Variants in SPECC1L observed in about 807,000 individuals in gnomAD.
The protein encoded by SPECC1L is sperm antigen with calponin homology and coiled-coil domains 1 like.
Under a neutral mutation model 116.8 loss-of-function variants are expected in SPECC1L, and 40 were observed. The observed-to-expected ratio is 0.34, with a 90% CI of 0.27 to 0.45. The LOEUF is 0.45. Among genes scored for constraint, SPECC1L ranks in the 20% least tolerant of loss-of-function variants. SPECC1L has a pLI of 1.00. For missense variants in SPECC1L, 1,110 were observed against 1,373.6 expected (o/e 0.81, Z 3.03); for synonymous variants, 504 against 500.6 (o/e 1.01, Z -0.09).
At chr22:24,403,691 A>T (rs1249982266) in intron 14 of SPECC1L, among the ~76,000 whole-genome samples, 2 of 152,254 alleles carry the variant, frequency 1.3e-5, no homozygotes, top group African/African-American at 4.8e-5. Context: ...GACTTTCCTT[A>T]TGCACTGAAA....
intron 4 of SPECC1L, among the ~76,000 whole-genome samples, chr22:24,321,058 A>G (rs2040711267): frequency 6.6e-6 from 1 of 152,256 alleles, no homozygotes; most frequent in Non-Finnish European, 1.5e-5. Flanking sequence ...TTTTAAAAAC[A>G]TGTAAAACAA....
At chr22:24,293,191 C>A (rs2146372929) in intron 2 of SPECC1L, among the ~76,000 whole-genome samples, 1 of 152,342 alleles carries the variant, frequency 6.6e-6, no homozygotes, top group Admixed American at 6.5e-5. Flanking sequence ...CACAGTGGCT[C>A]ATGCCTGTAA....
At chr22:24,315,763 TTAAG>T (rs1429620990) in intron 4 of SPECC1L, among the ~76,000 whole-genome samples, 2 of 152,244 alleles carry the variant, frequency 1.3e-5, no homozygotes, top group East Asian at 1.9e-4. Flanking sequence ...ACTGGATGGC[TTAAG>T]CCACAGAAAT....
At chr22:24,273,002 A>G (rs2048760086) in intron 1 of SPECC1L, among the ~76,000 whole-genome samples, 1 of 152,252 alleles carries the variant, frequency 6.6e-6, no homozygotes, top group Non-Finnish European at 1.5e-5. Flanking sequence ...TTGGTAGCCA[A>G]CTAAATAACG....
At chr22:24,343,502 C>T (rs560096117) in intron 10 of SPECC1L, 22 of 445,718 alleles carry the variant, frequency 4.9e-5, no homozygotes, top group African/African-American at 4.3e-4. Context: ...GTTCTGTCGC[C>T]CACGCTGGAA....
chr22:24,311,621 G>A (rs747168390), intron 3 of SPECC1L, among the ~76,000 whole-genome samples: 2 of 151,878 alleles, frequency 1.3e-5, no homozygotes, highest in Non-Finnish European at 2.9e-5. Flanking sequence ...CCTGGCCAAC[G>A]TGGGAATACC....
rs553793665 is a variant in SPECC1L at position 24,317,967 on chromosome 22, G to A, written c.308-3321G>A. 2.9e-4 allele frequency among the ~76,000 whole-genome samples: 44 copies of A among 151,330 alleles called. No homozygotes were observed. The East Asian group carries it at 3.8e-3, about 13-fold the overall frequency. On this transcript the variant is annotated intron_variant, in intron 4 of 16. Transcript: ENST00000314328. ...CTCCTCACTTCCTAGATGGGATGGC[G>A]GCCGGGAAGAGGCGCTCCTCACTTC...
intron 4 of SPECC1L, among the ~76,000 whole-genome samples, chr22:24,320,279 AAAAAAAACC>A (rs998740470): frequency 2.0e-5 from 3 of 151,958 alleles, no homozygotes; most frequent in African/African-American, 7.3e-5. Context: ...ACTCCATCTC[AAAAAAAACC>A]AAAAAAACGA....
intron 14 of SPECC1L, 97 bp downstream of exon 14, chr22:24,369,417 CCTG>C (rs2041832778): frequency 1.1e-6 from 1 of 879,308 alleles, no homozygotes; most frequent in African/African-American, 1.6e-5. Flanking sequence ...AATGATAAGT[CCTG>C]ACCTGGCATG....
At chr22:24,277,130 C>A (rs1165297426) in intron 2 of SPECC1L, among the ~76,000 whole-genome samples, 1 of 152,272 alleles carries the variant, frequency 6.6e-6, no homozygotes, top group Admixed American at 6.5e-5. Context: ...CTAGTTCCCT[C>A]ATTTTTATGA....
intron 14 of SPECC1L, among the ~76,000 whole-genome samples, chr22:24,370,824 A>G (rs1477195031): frequency 6.6e-6 from 1 of 152,206 alleles, no homozygotes; most frequent in African/African-American, 2.4e-5. Context: ...GCCATATACA[A>G]AAGGGCTAAT....
intron 14 of SPECC1L, among the ~76,000 whole-genome samples, chr22:24,376,505 C>T (rs2041974395): frequency 6.6e-6 from 1 of 152,074 alleles, no homozygotes; most frequent in Admixed American, 6.5e-5. Context: ...ATAAATTTAA[C>T]CAAGGAGGCA....
chr22:24,284,994 G>C (rs1381665521), intron 2 of SPECC1L, among the ~76,000 whole-genome samples: 1 of 152,168 alleles, frequency 6.6e-6, no homozygotes, highest in Non-Finnish European at 1.5e-5. Flanking sequence ...TGATTGAAGA[G>C]GAAGATGGAG....
intron 2 of SPECC1L, among the ~76,000 whole-genome samples, chr22:24,285,316 C>T (rs2049019887): frequency 6.6e-6 from 1 of 152,156 alleles, no homozygotes; most frequent in Admixed American, 6.5e-5. Flanking sequence ...GTGGGCTGAG[C>T]ATTTTCCTTG....
intron 10 of SPECC1L, among the ~76,000 whole-genome samples, chr22:24,339,338 G>A (rs1458413658): frequency 6.6e-6 from 1 of 152,202 alleles, no homozygotes; most frequent in Non-Finnish European, 1.5e-5. Context: ...CAGAGTGGAA[G>A]GGGTGCACAA....
rs1481304995 is a variant in SPECC1L at position 24,317,289 on chromosome 22, G to A, written c.307+3823G>A. On this transcript the variant is annotated intron_variant, in intron 4 of 16. Transcript: ENST00000314328. Reference sequence around the variant, plus strand: ...GACCCCCCCCACCTCCCTCCCGGACGGGGCGGCTGGCCAGGCGGGGGGCTG... The same window carrying A: ...GACCCCCCCCACCTCCCTCCCGGACAGGGCGGCTGGCCAGGCGGGGGGCTG... Among the ~76,000 whole-genome samples, 95 of 117,658 alleles carry A rather than the reference G, an allele frequency of 8.1e-4. 3 individuals carry two copies. Among genetic ancestry groups the A allele is most frequent in the African/African-American group, 1.8e-3 (60 of 33,356 alleles). 77.2% of individuals were successfully genotyped at this position (117,658 alleles called of 152,430 possible). A position where few individuals can be genotyped will look rare whatever the true frequency, so the allele number is the denominator to read the frequency against.
chr22:24,273,491 G>A (rs577776758), intron 1 of SPECC1L, among the ~76,000 whole-genome samples: 1 of 152,280 alleles, frequency 6.6e-6, no homozygotes, highest in East Asian at 1.9e-4. Context: ...AACGTAAATA[G>A]TAAATGCAAG....
intron 14 of SPECC1L, among the ~76,000 whole-genome samples, chr22:24,396,465 T>C (rs1342027377): frequency 6.6e-6 from 1 of 151,980 alleles, no homozygotes; most frequent in Non-Finnish European, 1.5e-5. Flanking sequence ...GCCCAGCTAA[T>C]TTTTGTATTT....
Position 24,322,709 on chromosome 22 carries a change from A to C in SPECC1L, c.1729A>C (p.Asn577His), listed in dbSNP as rs61742709. Reference protein sequence around the residue: ...ATVASDQIEMNRLKAQLENEK... With the variant: ...ATVASDQIEMHRLKAQLENEK... ...AGTGGCCAGTGACCAGATAGAGATGAATCGCCTGAAGGCTCAGCTGGAGAA... is the reference window on the plus strand; with the variant it reads ...AGTGGCCAGTGACCAGATAGAGATGCATCGCCTGAAGGCTCAGCTGGAGAA... Residue 577 changes from asparagine (N) to histidine (H), a missense_variant, in exon 5 of 17, where the codon AAT (asparagine) becomes CAT (histidine). Asn to His is a moderately conservative substitution (Grantham distance 68). Coordinates refer to ENST00000314328, the MANE Select transcript of SPECC1L (RefSeq NM_015330.6). The C allele has an allele frequency of 2.6e-4, 415 of 1,598,222 alleles. 1 individual carries two copies. In the African/African-American group the frequency reaches 5.0e-3, roughly 19 times the overall value.
Sources: gnomAD v4.1 joint callset for allele counts (sites outside exome capture counted in the v4.1 genomes callset) on GRCh38, gnomAD v4.1.1 for gene constraint, MANE v1.5 for transcripts, NCBI Gene and HGNC (gene_info 2026-07-23, HGNC 2026-07-21) for gene names.